The following PIF1 variants were observed in gnomAD, a reference collection of about 807,000 sequenced individuals.
PIF1 encodes the protein PIF1 5'-to-3' DNA helicase.
PIF1 carries 67 observed loss-of-function variants against 62.3 expected under a neutral mutation model. The ratio of observed to expected loss-of-function variants is 1.08; its 90% confidence interval spans 0.88 to 1.32. The LOEUF (loss-of-function observed/expected upper bound fraction) is 1.32. PIF1 is among the 40% of genes most tolerant of loss of function. The pLI, the probability that PIF1 is intolerant of heterozygous loss-of-function variation, is 0.00. For missense variants in PIF1, 886 were observed against 866.1 expected (o/e 1.02, Z -0.29); for synonymous variants, 364 against 379.5 (o/e 0.96, Z 0.47).
In PIF1 at chr15:64,822,309, C is replaced by T; in HGVS notation, c.774G>A (p.Val258=). ...TGGTGCCCCCGATGTGGCAGGCTGC[C>T]ACCCCAGTGCTGGCAGTGGCCACAG... The part of the protein sequence containing the change: ...TGTVATASTG[V]AACHIGGTTL... The change falls in exon 4 of 13, where the codon GTG becomes GTA. Residue 258 remains valine, a synonymous_variant. Coordinates refer to ENST00000559239, the MANE Select transcript of PIF1 (RefSeq NM_001286496.2). 4 of 1,611,408 alleles carry T rather than the reference C, an allele frequency of 2.5e-6. No individual in the cohort carries two copies. The highest frequency in any genetic ancestry group is 3.4e-6 in the Non-Finnish European group (4 of 1,179,830).
intron 1 of PIF1, among the ~76,000 whole-genome samples, chr15:64,824,972 C>A (rs1484863302): frequency 2.0e-5 from 3 of 150,458 alleles, no homozygotes; most frequent in East Asian, 1.9e-4. Context: ...TATATACACA[C>A]AATATATATA....
At position 64,823,992 on chromosome 15, in the gene PIF1, C is replaced by T; in HGVS notation, c.344G>A (p.Arg115His). The T allele has an allele frequency of 5.4e-6, 7 of 1,297,706 alleles. No individual in the cohort carries two copies. The highest frequency in any genetic ancestry group is 2.3e-5 in the South Asian group (1 of 43,426). The allele number at this position is 1,297,706 out of a possible 1,614,324, so 80.4% of individuals were successfully genotyped here. Reference protein sequence around the residue: ...LSDCPPDRLRRFLRTLRLKLA... With the variant: ...LSDCPPDRLRHFLRTLRLKLA... Reference sequence around the variant, plus strand: ...CTTGAGGCGCAATGTGCGCAGGAAGCGGCGCAGGCGGTCTGGGGGGCAGTC... The same window carrying T: ...CTTGAGGCGCAATGTGCGCAGGAAGTGGCGCAGGCGGTCTGGGGGGCAGTC... Residue 115 changes from arginine (R) to histidine (H), a missense_variant, in exon 2 of 13, where the codon CGC (arginine) becomes CAC (histidine). Transcript: ENST00000559239.
intron 3 of PIF1, 34 bp from the exon 4 acceptor site, chr15:64,822,425 T>A (rs748478402): frequency 1.9e-6 from 3 of 1,614,010 alleles, no homozygotes; most frequent in Non-Finnish European, 2.5e-6. Context: ...GGTCTCCCTG[T>A]TCCTCTATCC....
At chr15:64,817,848 C>A in intron 11 of PIF1, 98 bp downstream of exon 11, 1 of 1,378,474 alleles carries the variant, frequency 7.3e-7, no homozygotes, top group Non-Finnish European at 9.7e-7. Flanking sequence ...GGCGACAGAG[C>A]AAGACTCTGT....
rs2141101923 is a variant in PIF1, at chr15:64,815,669, A to G, written c.*629T>C. On this transcript the variant is annotated 3_prime_UTR_variant, in exon 13 of 13. Transcript: ENST00000559239. The stretch of plus-strand genomic sequence containing the variant: ...TCTCTAGTTTATTTGTCCGAAATAA[A>G]TACAACCTGAGAACATCCATTTCAA... 1 of 1,535,598 alleles carries G rather than the reference A, an allele frequency of 6.5e-7. No individual in the cohort carries two copies. The highest frequency in any genetic ancestry group is 2.5e-5 in the East Asian group (1 of 40,772).
intron 11 of PIF1, 78 bp downstream of exon 11, chr15:64,817,868 A>T: frequency 4.1e-6 from 6 of 1,451,896 alleles, no homozygotes; most frequent in Middle Eastern, 3.6e-4. Flanking sequence ...TCTCAAAAAT[A>T]AAAAAAAGAC....
At chr15:64,821,565 C>A in intron 4 of PIF1, 45 bp from the exon 5 acceptor site, 5 of 1,248,324 alleles carry the variant, frequency 4.0e-6, no homozygotes, top group Non-Finnish European at 5.1e-6. Flanking sequence ...CAAAGCCTCT[C>A]TTTTTTTTTT....
Position 64,816,041 on chromosome 15 carries a change from C to A in PIF1, c.*257G>T. 1 of 1,466,824 alleles carries A rather than the reference C, an allele frequency of 6.8e-7. No individual in the cohort carries two copies. The allele number at this position is 1,466,824 out of a possible 1,614,324, so 90.9% of individuals were successfully genotyped here. A position where few individuals can be genotyped will look rare whatever the true frequency, so the allele number is the denominator to read the frequency against. Reference sequence around the variant, plus strand: ...ACATCAGCTACCACACAGGCTCATTCTCAACTGGCACAGAAAGGGTTACTT... The same window carrying A: ...ACATCAGCTACCACACAGGCTCATTATCAACTGGCACAGAAAGGGTTACTT... On this transcript the variant is annotated 3_prime_UTR_variant, in exon 13 of 13. Coordinates refer to ENST00000559239, the MANE Select transcript of PIF1 (RefSeq NM_001286496.2).
At position 64,816,259 on chromosome 15, in the gene PIF1, G is replaced by T; in HGVS notation, c.*39C>A. ...CACTAGGGAGCAGGAGGACGGGGAG[G>T]CCACAGGCCACCCTTTGTCTTCTCT... On this transcript the variant is annotated 3_prime_UTR_variant, in exon 13 of 13. Transcript: ENST00000559239. 2 of 1,612,738 alleles carry T rather than the reference G, an allele frequency of 1.2e-6. No individual in the cohort carries two copies. Among genetic ancestry groups the T allele is most frequent in the Non-Finnish European group, 1.7e-6 (2 of 1,179,810 alleles).
At chr15:64,820,948 T>C (rs751137572) in intron 7 of PIF1, 34 bp downstream of exon 7, 1 of 1,584,756 alleles carries the variant, frequency 6.3e-7, no homozygotes, top group South Asian at 1.1e-5. Flanking sequence ...TGGATCCTCA[T>C]CCCATAGCCC....
chr15:64,817,028 T>G (rs1158447966), intron 11 of PIF1, among the ~76,000 whole-genome samples: 2 of 152,214 alleles, frequency 1.3e-5, no homozygotes, highest in African/African-American at 4.8e-5. Flanking sequence ...GAATCCAGGC[T>G]GCCACTCACT....
intron 1 of PIF1, 88 bp from the exon 2 acceptor site, chr15:64,824,442 T>G: frequency 1.1e-6 from 1 of 918,358 alleles, no homozygotes; most frequent in Middle Eastern, 3.8e-4. Context: ...ATAAAGGACG[T>G]GACAGGGAGC....
At chr15:64,820,843 C>A in intron 7 of PIF1, 139 bp downstream of exon 7, 1 of 728,436 alleles carries the variant, frequency 1.4e-6, no homozygotes, top group South Asian at 1.7e-5. Context: ...GTGCCCTGCC[C>A]AAGGCTCCTC....
At position 64,823,812 on chromosome 15, in the gene PIF1, G is replaced by A; in HGVS notation, c.524C>T (p.Pro175Leu). 1 of 1,352,332 alleles carries A rather than the reference G, an allele frequency of 7.4e-7. No individual in the cohort carries two copies. The highest frequency in any genetic ancestry group is 9.6e-7 in the Non-Finnish European group (1 of 1,042,262). The allele number at this position is 1,352,332 out of a possible 1,614,324, so 83.8% of individuals were successfully genotyped here. Reference protein sequence around the residue: ...RVPDTTLVKRPVEPQAGAEPS... With the variant: ...RVPDTTLVKRLVEPQAGAEPS... ...CTCGGCCCCAGCCTGGGGCTCCACA[G>A]GCCGCTTCACCAGCGTAGTGTCCGG... The change falls in exon 2 of 13, where the codon CCT (proline) becomes CTT (leucine). Residue 175 changes from proline to leucine, a missense_variant. Transcript: ENST00000559239.
intron 2 of PIF1, 110 bp from the exon 3 acceptor site, chr15:64,822,720 C>T: frequency 6.8e-7 from 1 of 1,474,498 alleles, no homozygotes; most frequent in Non-Finnish European, 9.1e-7. Context: ...TCCTCTACTG[C>T]CTTCATTCCA....
In PIF1 at chr15:64,822,467, G is replaced by A. The variant is rs1159626756; in HGVS notation, c.691+11C>T. ...ACCACTGTCCCCCTACCTCCTCTCT[G>A]CCCCCACTACCTGCACTCCCAGTGA... On this transcript the variant is annotated intron_variant, in intron 3 of 12. Coordinates refer to ENST00000559239, the MANE Select transcript of PIF1 (RefSeq NM_001286496.2). 1 of 1,611,502 alleles carries A rather than the reference G, an allele frequency of 6.2e-7. No homozygotes were observed. Among genetic ancestry groups the A allele is most frequent in the Admixed American group, 1.7e-5 (1 of 59,684 alleles).
chr15:64,819,864 C>T lies in PIF1; in HGVS notation c.1316G>A (p.Arg439Gln), dbSNP rs766679888. The change falls in exon 8 of 13, where the codon CGG becomes CAG. Residue 439 changes from arginine to glutamine, a missense_variant. Transcript: ENST00000559239. The part of the protein sequence containing the change: ...QDDVALTNER[R>Q]LQELPGKVHR... ...CTGCTCACCTGGCAGCTCCTGAAGC[C>T]GCCTCTCGTTGGTGAGGGCCACATC... is the stretch of plus-strand genomic sequence containing the variant. 4.8e-5 allele frequency: 78 copies of T among 1,613,498 alleles called. No homozygotes were observed. The highest frequency in any genetic ancestry group is 4.0e-4 in the East Asian group (18 of 44,896).
At chr15:64,825,292 G>A (rs2084353720) in intron 1 of PIF1, among the ~76,000 whole-genome samples, 2 of 152,100 alleles carry the variant, frequency 1.3e-5, no homozygotes, top group Admixed American at 6.6e-5. Context: ...TATGCAGCGG[G>A]CAGGTCTCAC....
upstream of PIF1, among the ~76,000 whole-genome samples, chr15:64,826,739 TAC>T (rs200930759): frequency 3.6e-5 from 5 of 137,622 alleles, no homozygotes; most frequent in East Asian, 4.1e-4. Context: ...TATATATATA[TAC>T]ACACACATAT....
Sources: gnomAD v4.1 joint callset for allele counts (sites outside exome capture counted in the v4.1 genomes callset) on GRCh38, gnomAD v4.1.1 for gene constraint, MANE v1.5 for transcripts, NCBI Gene and HGNC (gene_info 2026-07-23, HGNC 2026-07-21) for gene names.